The following ATF3 variants were observed in gnomAD, a reference collection of about 807,000 sequenced individuals.
The protein encoded by ATF3 is cyclic AMP-dependent transcription factor ATF-3.
A neutral mutation model predicts 18.4 loss-of-function variants in ATF3; 10 were observed. The ratio of observed to expected loss-of-function variants is 0.54; its 90% CI spans 0.34 to 0.92. The LOEUF is 0.92. Ranked by LOEUF, ATF3 falls within the 40% of genes least tolerant of loss-of-function variation. ATF3 has a pLI of 0.02. For missense variants in ATF3, 183 were observed against 222.3 expected (o/e 0.82, Z 1.12); for synonymous variants, 78 against 87.9 (o/e 0.89, Z 0.63).
chr1:212,572,997 C>G (rs543888897), intron 1 of ATF3, among the ~76,000 whole-genome samples: 1 of 152,088 alleles, frequency 6.6e-6, no homozygotes, highest in Non-Finnish European at 1.5e-5. Flanking sequence ...GCTCTCATAT[C>G]GATTCTAATA....
Position 212,619,111 on chromosome 1 carries a change from C to T in ATF3, c.349-247C>T. The T allele has an allele frequency of 6.2e-7, 1 of 1,614,158 alleles. No homozygotes were observed. Among genetic ancestry groups the T allele is most frequent in the Non-Finnish European group, 8.5e-7 (1 of 1,180,052 alleles). On this transcript the variant is annotated intron_variant, in intron 3 of 3. Coordinates refer to ENST00000341491, the MANE Select transcript of ATF3 (RefSeq NM_001674.4). The surrounding 1 kb of genome is among the most constrained non-coding windows in gnomAD (Gnocchi z 4.4). The stretch of plus-strand genomic sequence containing the variant: ...CTGTTGACTCATGCAAATGAGGTAT[C>T]TGAACTGCAGCTTCAGTATTAGCAG...
At chr1:212,575,241 TTTC>T (rs1349227436) in intron 1 of ATF3, among the ~76,000 whole-genome samples, 1 of 152,126 alleles carries the variant, frequency 6.6e-6, no homozygotes, top group East Asian at 1.9e-4. Flanking sequence ...CTTTCATAGT[TTTC>T]TTCTTTGAGG....
chr1:212,603,776 ATGTGTGTGTG>A (rs145857442), upstream of ATF3, among the ~76,000 whole-genome samples: 4,023 of 149,594 alleles, frequency 0.027, 195 homozygotes, highest in African/African-American at 0.092. Context: ...GTGTATATAT[ATGTGTGTGTG>A]TGTGTGTGTG....
chr1:212,570,677 G>C (rs942878364), intron 1 of ATF3, among the ~76,000 whole-genome samples: 2 of 152,114 alleles, frequency 1.3e-5, no homozygotes, highest in Non-Finnish European at 2.9e-5. Flanking sequence ...TTCATCATTA[G>C]TTTGGTCTGT....
At chr1:212,568,450 A>C (rs113591449) in intron 1 of ATF3, among the ~76,000 whole-genome samples, 1,883 of 152,302 alleles carry the variant, frequency 0.012, 36 homozygotes, top group African/African-American at 0.044. Context: ...GAGCACACCA[A>C]AAACATCGAC....
chr1:212,620,406 G>A lies in ATF3; in HGVS notation c.*851G>A, dbSNP rs1655339260. 6.5e-6 allele frequency: 1 copy of A among 152,680 alleles called. No homozygotes were observed. The highest frequency in any genetic ancestry group is 6.5e-5 in the Admixed American group (1 of 15,288). The allele number at this position is 152,680 out of a possible 1,614,324, so 9.5% of individuals were successfully genotyped here. A position where few individuals can be genotyped will look rare whatever the true frequency, so the allele number is the denominator to read the frequency against. ...TTGTGTCTAGGCTGGAAGAGCCAAA[G>A]AATATTCCATTTTCCTTTCCTTGTG... On this transcript the variant is annotated 3_prime_UTR_variant, in exon 4 of 4. Transcript: ENST00000341491.
intron 1 of ATF3, among the ~76,000 whole-genome samples, chr1:212,584,137 A>G (rs143265913): frequency 1.1e-4 from 17 of 152,086 alleles, no homozygotes; most frequent in Admixed American, 9.2e-4. Context: ...AAAGAGACCT[A>G]TGCTGCATAC....
rs1262384931 is a variant in ATF3, at chr1:212,619,462, C to G, written c.453C>G (p.Pro151=). The G allele has an allele frequency of 5.0e-6, 8 of 1,614,070 alleles. No individual in the cohort carries two copies. Among genetic ancestry groups the G allele is most frequent in the African/African-American group, 1.3e-5 (1 of 74,924 alleles). The part of the protein sequence containing the change: ...HLIYMLNLHR[P]TCIVRAQNGR... ...TATACATGCTCAACCTTCATCGGCC[C>G]ACGTGTATTGTCCGGGCTCAGAATG... Residue 151 remains proline (P), a synonymous_variant, in exon 4 of 4, where the codon CCC becomes CCG. Transcript: ENST00000341491. This position sits in a 1 kb window ranked among gnomAD's most constrained non-coding sequence, Gnocchi z 4.4.
chr1:212,610,441 G>C (rs752546942), intron 1 of ATF3, among the ~76,000 whole-genome samples: 4 of 152,184 alleles, frequency 2.6e-5, no homozygotes, highest in Non-Finnish European at 5.9e-5. Context: ...GTAGAATAAT[G>C]CTACAACATA....
intron 1 of ATF3, among the ~76,000 whole-genome samples, chr1:212,577,628 G>A (rs934990946): frequency 3.4e-5 from 5 of 149,134 alleles, no homozygotes; most frequent in South Asian, 4.2e-4. Context: ...CTCTGCTTCT[G>A]TAAGATCAAC....
rs1221102157 is a variant in ATF3, at chr1:212,618,755, C to A, written c.348+521C>A. 2 of 513,772 alleles carry A rather than the reference C, an allele frequency of 3.9e-6. No individual in the cohort carries two copies. Among genetic ancestry groups the A allele is most frequent in the Non-Finnish European group, 7.0e-6 (2 of 284,242 alleles). The allele number at this position is 513,772 out of a possible 1,614,324, so 31.8% of individuals were successfully genotyped here. ...GAGCCCCTGGCTGCGTTCAGCCGGC[C>A]CGCCTGAGAGACACTAGGGGAAATA... is the stretch of plus-strand genomic sequence containing the variant. On this transcript the variant is annotated intron_variant, in intron 3 of 3. Transcript: ENST00000341491. The surrounding 1 kb of genome is among the most constrained non-coding windows in gnomAD (Gnocchi z 4.4).
intron 1 of ATF3, among the ~76,000 whole-genome samples, chr1:212,594,323 G>GAATAT (rs1333370877): frequency 1.3e-5 from 2 of 152,016 alleles, no homozygotes; most frequent in Non-Finnish European, 2.9e-5. Flanking sequence ...CTTTCTAGCT[G>GAATAT]GGATTCATTA....
At chr1:212,581,921 G>A (rs1664691605) in intron 1 of ATF3, among the ~76,000 whole-genome samples, 1 of 152,074 alleles carries the variant, frequency 6.6e-6, no homozygotes, top group African/African-American at 2.4e-5. Context: ...ATGCTATTTG[G>A]GGTCTTCTTT....
intron 1 of ATF3, among the ~76,000 whole-genome samples, chr1:212,602,816 T>C (rs944499515): frequency 6.6e-6 from 1 of 152,250 alleles, no homozygotes; most frequent in Non-Finnish European, 1.5e-5. Flanking sequence ...GTCCCAGGAA[T>C]AAAACTTTTG....
chr1:212,580,992 C>A (rs1421429760), intron 1 of ATF3, among the ~76,000 whole-genome samples: 2 of 152,192 alleles, frequency 1.3e-5, no homozygotes, highest in Non-Finnish European at 2.9e-5. Flanking sequence ...TGGTCTCGGA[C>A]TCCTGGCCTC....
At position 212,619,275 on chromosome 1, in the gene ATF3, C is replaced by T. The variant is rs1655267270; in HGVS notation, c.349-83C>T. 3.7e-6 allele frequency: 6 copies of T among 1,611,530 alleles called. No homozygotes were observed. Among genetic ancestry groups the T allele is most frequent in the Non-Finnish European group, 3.4e-6 (4 of 1,179,842 alleles). ...GCCCCGGTGTGTCCCAGGTACACCCCTGCATCCAGGCAGCAGCCCAGGCCA... is the reference window on the plus strand; with the variant it reads ...GCCCCGGTGTGTCCCAGGTACACCCTTGCATCCAGGCAGCAGCCCAGGCCA... On this transcript the variant is annotated intron_variant, in intron 3 of 3. Coordinates refer to ENST00000341491, the MANE Select transcript of ATF3 (RefSeq NM_001674.4). The surrounding 1 kb of genome is among the most constrained non-coding windows in gnomAD (Gnocchi z 4.4).
chr1:212,574,173 A>G (rs1234774647), intron 1 of ATF3, among the ~76,000 whole-genome samples: 1 of 151,928 alleles, frequency 6.6e-6, no homozygotes, highest in Non-Finnish European at 1.5e-5. Context: ...ATAAAAACAA[A>G]TAAGATTGTA....
chr1:212,604,028 T>A (rs1220199779), upstream of ATF3, among the ~76,000 whole-genome samples: 1 of 152,196 alleles, frequency 6.6e-6, no homozygotes, highest in Non-Finnish European at 1.5e-5. Context: ...TTCCCTTGTC[T>A]GTTTCCCAAA....
intron 1 of ATF3, among the ~76,000 whole-genome samples, chr1:212,579,868 G>A (rs1664647858): frequency 6.6e-6 from 1 of 152,108 alleles, no homozygotes; most frequent in South Asian, 2.1e-4. Flanking sequence ...TTGTAGACTG[G>A]GCACAGTGGC....
Sources: allele counts gnomAD v4.1 joint callset (sites outside exome capture counted in the v4.1 genomes callset), GRCh38; gene constraint gnomAD v4.1.1; non-coding constraint Gnocchi (gnomAD v3.1); transcripts MANE v1.5; gene names NCBI Gene and HGNC (gene_info 2026-07-23, HGNC 2026-07-21).